Variants in DPYD observed in about 807,000 individuals in gnomAD.
DPYD encodes dihydropyrimidine dehydrogenase.
In DPYD, 109 loss-of-function variants were observed where a neutral mutation model predicts 116.2. That is an observed-to-expected ratio of 0.94 (90% CI 0.80 to 1.10). The LOEUF is 1.10. Ranked by LOEUF, DPYD falls within the 50% of genes least tolerant of loss-of-function variation. The pLI, the probability that DPYD is intolerant of heterozygous loss-of-function variation, is 0.00. For synonymous variants in DPYD, 440 were observed against 432.0 expected, an observed-to-expected ratio of 1.02 and a Z score of -0.23; for missense variants, 1,302 against 1,254.5, an observed-to-expected ratio of 1.04 and a Z score of -0.57.
chr1:97,687,992 G>A (rs1660822983), intron 7 of DPYD, among the ~76,000 whole-genome samples: 1 of 152,170 alleles, frequency 6.6e-6, no homozygotes, highest in Non-Finnish European at 1.5e-5. Flanking sequence ...CAGGGACAGG[G>A]AGAGAATCAG....
At chr1:97,310,994 A>G (rs1667479780) in intron 16 of DPYD, among the ~76,000 whole-genome samples, 1 of 151,800 alleles carries the variant, frequency 6.6e-6, no homozygotes, top group South Asian at 2.1e-4. Flanking sequence ...AGAAGTAGAC[A>G]TTATATGCAT....
chr1:97,900,945 C>G lies in DPYD; in HGVS notation c.40-17571G>C, dbSNP rs939904046. Among the ~76,000 whole-genome samples, 3 of 151,778 alleles carry G rather than the reference C, an allele frequency of 2.0e-5. No homozygotes were observed. In the South Asian group the frequency reaches 6.2e-4, roughly 31 times the overall value. On this transcript the variant is annotated intron_variant, in intron 1 of 22. Coordinates refer to ENST00000370192, the MANE Select transcript of DPYD (RefSeq NM_000110.4). ...GGATGTGTTCTCAGTCTAATATATA[C>G]TTCAACAATAAGACAGTTTAGCAAC... is the stretch of plus-strand genomic sequence containing the variant.
chr1:97,412,585 T>A (rs1557694995), intron 14 of DPYD, among the ~76,000 whole-genome samples: 1 of 152,214 alleles, frequency 6.6e-6, no homozygotes, highest in Non-Finnish European at 1.5e-5. Flanking sequence ...AATATAAATG[T>A]ATAAGCATAC....
chr1:97,096,208 AATGAT>A (rs1388730254), intron 21 of DPYD, among the ~76,000 whole-genome samples: 1 of 152,154 alleles, frequency 6.6e-6, no homozygotes, highest in East Asian at 1.9e-4. Flanking sequence ...TTTTTTGATT[AATGAT>A]CTACAGGCTT....
intron 20 of DPYD, among the ~76,000 whole-genome samples, chr1:97,118,920 T>C (rs1415504786): frequency 2.0e-5 from 3 of 152,058 alleles, no homozygotes; most frequent in African/African-American, 7.3e-5. Context: ...ACTGTGCCAG[T>C]TGCAAACAGG....
intron 20 of DPYD, among the ~76,000 whole-genome samples, chr1:97,140,770 T>C (rs917700792): frequency 1.3e-5 from 2 of 152,156 alleles, no homozygotes; most frequent in African/African-American, 4.8e-5. Context: ...CTGGCTGGAC[T>C]CTTTATTATC....
At position 97,608,270 on chromosome 1, in the gene DPYD, T is replaced by C. The variant is rs183071780; in HGVS notation, c.851-13104A>G. Among the ~76,000 whole-genome samples the C allele has an allele frequency of 2.7e-3, 418 of 152,136 alleles. 2 individuals are homozygous for C. Among genetic ancestry groups the C allele is most frequent in the African/African-American group, 9.4e-3 (392 of 41,534 alleles). The stretch of plus-strand genomic sequence containing the variant: ...CTGAGTAAATAATATAAAAGGGACA[T>C]AACTTAATTTGTGTAATATTTGTTT... On this transcript the variant is annotated intron_variant, in intron 8 of 22. Transcript: ENST00000370192.
intron 13 of DPYD, among the ~76,000 whole-genome samples, chr1:97,486,382 T>C (rs1451065845): frequency 6.6e-6 from 1 of 152,160 alleles, no homozygotes; most frequent in Non-Finnish European, 1.5e-5. Context: ...CACATTTTTG[T>C]TGTTGTTGAA....
chr1:97,632,920 A>G (rs1015481355), intron 8 of DPYD, among the ~76,000 whole-genome samples: 3 of 152,082 alleles, frequency 2.0e-5, no homozygotes, highest in Non-Finnish European at 4.4e-5. Context: ...TTTAGAGCCT[A>G]AAGATAGAGC....
At chr1:97,535,958 G>A (rs1442378037) in intron 12 of DPYD, among the ~76,000 whole-genome samples, 1 of 152,166 alleles carries the variant, frequency 6.6e-6, no homozygotes, top group Non-Finnish European at 1.5e-5. Context: ...TAACCTGAAT[G>A]TACTATCAAA....
intron 18 of DPYD, among the ~76,000 whole-genome samples, chr1:97,284,242 T>A (rs1197509702): frequency 6.6e-6 from 1 of 152,114 alleles, no homozygotes; most frequent in African/African-American, 2.4e-5. Context: ...TGACTTTTAT[T>A]TTAATGGAAC....
chr1:97,322,295 C>T (rs1570517040), intron 16 of DPYD, among the ~76,000 whole-genome samples: 1 of 151,346 alleles, frequency 6.6e-6, no homozygotes, highest in Non-Finnish European at 1.5e-5. Flanking sequence ...AATTTCTTCC[C>T]ACTGCTGCTG....
intron 3 of DPYD, among the ~76,000 whole-genome samples, chr1:97,798,954 T>G (rs577900712): frequency 6.6e-6 from 1 of 151,998 alleles, no homozygotes; most frequent in Admixed American, 6.6e-5. Flanking sequence ...CTTATGAGAC[T>G]CCCATCTTCA....
intron 3 of DPYD, among the ~76,000 whole-genome samples, chr1:97,751,389 TGTGTATATATACATATATAC>T (rs1238277599): frequency 4.2e-4 from 61 of 144,002 alleles, no homozygotes; most frequent in African/African-American, 1.5e-3. Context: ...TACATATATG[TGTGTATATATACATATATAC>T]GTGTATATAT....
At chr1:97,453,866 G>A (rs1465752442) in intron 13 of DPYD, among the ~76,000 whole-genome samples, 1 of 151,928 alleles carries the variant, frequency 6.6e-6, no homozygotes, top group South Asian at 2.1e-4. Flanking sequence ...CCAAATCAAA[G>A]GAAAATTTAT....
chr1:97,363,477 A>T (rs1349353796), intron 16 of DPYD, among the ~76,000 whole-genome samples: 1 of 152,362 alleles, frequency 6.6e-6, no homozygotes, highest in East Asian at 1.9e-4. Context: ...ATTATAAATC[A>T]TGCTACTATA....
At chr1:97,301,198 C>T (rs1666840434) in intron 18 of DPYD, among the ~76,000 whole-genome samples, 1 of 151,898 alleles carries the variant, frequency 6.6e-6, no homozygotes, top group Admixed American at 6.6e-5. Flanking sequence ...TAACTTTGAG[C>T]TGAAACAGAA....
chr1:97,819,478 C>T (rs763452225), intron 3 of DPYD, among the ~76,000 whole-genome samples: 3 of 151,744 alleles, frequency 2.0e-5, no homozygotes, highest in Non-Finnish European at 2.9e-5. Flanking sequence ...AAGTTACAAA[C>T]GTTAAATCAT....
chr1:97,519,911 G>T (rs1648514022), intron 12 of DPYD, among the ~76,000 whole-genome samples: 1 of 151,884 alleles, frequency 6.6e-6, no homozygotes, highest in Non-Finnish European at 1.5e-5. Flanking sequence ...TCATTACAGA[G>T]AAATTATTTT....
Sources: gnomAD v4.1 joint callset for allele counts (sites outside exome capture counted in the v4.1 genomes callset) on GRCh38, gnomAD v4.1.1 for gene constraint, MANE v1.5 for transcripts, NCBI Gene and HGNC (gene_info 2026-07-23, HGNC 2026-07-21) for gene names.